VAV2: variants seen among roughly 807,000 people sequenced by gnomAD.
VAV2 encodes the protein vav guanine nucleotide exchange factor 2.
A neutral mutation model predicts 132.5 loss-of-function variants in VAV2; 67 were observed. The observed-to-expected ratio is 0.51, with a 90% confidence interval of 0.42 to 0.62. The LOEUF (loss-of-function observed/expected upper bound fraction) is 0.62, where lower values mean the gene tolerates loss of function less well. Among genes scored for constraint, VAV2 ranks in the 20% least tolerant of loss-of-function variants. VAV2 has a pLI of 0.00. For missense variants in VAV2, 938 were observed against 1,153.6 expected (o/e 0.81, Z 2.71); for synonymous variants, 492 against 443.5 (o/e 1.11, Z -1.37).
At chr9:133,839,299 A>G (rs1312490126) in intron 3 of VAV2, among the ~76,000 whole-genome samples, 1 of 151,490 alleles carries the variant, frequency 6.6e-6, no homozygotes, top group Non-Finnish European at 1.5e-5. Flanking sequence ...GTGGGCTGAC[A>G]GACAGATGGA....
Position 133,949,888 on chromosome 9 carries a change from T to G in VAV2, c.205-10669A>C, listed in dbSNP as rs568550411. 6.6e-5 allele frequency among the ~76,000 whole-genome samples: 10 copies of G among 152,324 alleles called. No individual in the cohort carries two copies. The South Asian group carries it at 2.1e-3, about 32-fold the overall frequency. On this transcript the variant is annotated intron_variant, in intron 1 of 29. Transcript: ENST00000371850. ...CCCGACCCGGGCGTCTCCTGCTGTT[T>G]AGGGGTTTCACGCTCAGCTTTTCTC...
chr9:133,989,422 A>T (rs1842948762), intron 1 of VAV2, among the ~76,000 whole-genome samples: 2 of 150,438 alleles, frequency 1.3e-5, no homozygotes, highest in Admixed American at 1.3e-4. Flanking sequence ...CGGGAGGATG[A>T]GGCAGGAGAA....
chr9:133,831,705 G>T (rs1836272731), intron 4 of VAV2, among the ~76,000 whole-genome samples: 1 of 152,198 alleles, frequency 6.6e-6, no homozygotes, highest in South Asian at 2.1e-4. Context: ...CAGAAACGCT[G>T]AGGCATGTTT....
intron 1 of VAV2, among the ~76,000 whole-genome samples, chr9:133,976,326 T>A (rs1333190243): frequency 1.3e-5 from 2 of 152,058 alleles, no homozygotes; most frequent in Admixed American, 1.3e-4. Context: ...GACAGTGAGA[T>A]CCTGAGTGGA....
At chr9:133,964,891 T>A (rs140882142) in intron 1 of VAV2, among the ~76,000 whole-genome samples, 9 of 152,266 alleles carry the variant, frequency 5.9e-5, no homozygotes, top group Non-Finnish European at 1.0e-4. Context: ...ACCTGAAAGC[T>A]TTTTCTCTAA....
rs1840893385 is a variant in VAV2 at position 133,935,954 on chromosome 9, C to T, written c.321+3149G>A. Among the ~76,000 whole-genome samples the T allele has an allele frequency of 6.6e-6, 1 of 152,234 alleles. No individual in the cohort carries two copies. Among genetic ancestry groups the T allele is most frequent in the South Asian group, 2.1e-4 (1 of 4,826 alleles). On this transcript the variant is annotated intron_variant, in intron 2 of 29. Transcript: ENST00000371850. This position sits in a 1 kb window ranked among gnomAD's most constrained non-coding sequence, Gnocchi z 5.2. ...CCACATTCACGCGGGCTCCAGGAGG[C>T]AAAGGGCATGGCTCAGATGCGGAGA... is the stretch of plus-strand genomic sequence containing the variant.
intron 25 of VAV2, 91 bp downstream of exon 25, chr9:133,774,844 C>T: frequency 8.4e-7 from 1 of 1,184,134 alleles, no homozygotes; most frequent in Non-Finnish European, 1.2e-6. Flanking sequence ...CCACCCCAAC[C>T]CCACGAGCTC....
rs141632915 is a variant in VAV2 at position 133,932,134 on chromosome 9, G to A, written c.321+6969C>T. 9.2e-3 allele frequency among the ~76,000 whole-genome samples: 1,400 copies of A among 152,292 alleles called. 15 individuals are homozygous for A. The highest frequency in any genetic ancestry group is 0.031 in the African/African-American group (1,298 of 41,546). The stretch of plus-strand genomic sequence containing the variant: ...ACCAGAATCCTCCCTCCAAATGCCC[G>A]ACCGGATTCCAAGCTGGGGCAAACC... On this transcript the variant is annotated intron_variant, in intron 2 of 29. Transcript: ENST00000371850.
intron 1 of VAV2, among the ~76,000 whole-genome samples, chr9:133,982,682 GAGGCCCCACTGCCTGGTTTCAT>G (rs931130083): frequency 3.3e-5 from 5 of 152,064 alleles, no homozygotes; most frequent in African/African-American, 1.2e-4. Flanking sequence ...CCTGGTTTTG[GAGGCCCCACTGCCTGGTTTCAT>G]AGGGCCCGCC....
At chr9:133,848,228 C>T (rs531116522) in intron 3 of VAV2, among the ~76,000 whole-genome samples, 11 of 139,954 alleles carry the variant, frequency 7.9e-5, no homozygotes, top group African/African-American at 1.9e-4. Context: ...TGCAGTGAGC[C>T]GAGATCGCGC....
At chr9:133,962,602 T>C (rs1362453415) in intron 1 of VAV2, among the ~76,000 whole-genome samples, 1 of 151,992 alleles carries the variant, frequency 6.6e-6, no homozygotes, top group East Asian at 1.9e-4. Context: ...CAAGCACAGT[T>C]AGCAGAAGCC....
chr9:133,978,221 A>ATCTCACTGCC (rs1447089048), intron 1 of VAV2, among the ~76,000 whole-genome samples: 1 of 152,148 alleles, frequency 6.6e-6, no homozygotes, highest in Non-Finnish European at 1.5e-5. Flanking sequence ...CACTAGGAGG[A>ATCTCACTGCC]TCTCACTGCC....
At position 133,863,555 on chromosome 9, in the gene VAV2, T is replaced by C. The variant is rs1025329284; in HGVS notation, c.322-2123A>G. On this transcript the variant is annotated intron_variant, in intron 2 of 29. Coordinates refer to ENST00000371850, the MANE Select transcript of VAV2 (RefSeq NM_001134398.2). This position sits in a 1 kb window ranked among gnomAD's most constrained non-coding sequence, Gnocchi z 5.0. ...CTGTGGACAATTTCTACAGCTGCTATGACCACAGCAGCCTCAGCCCCAAGC... is the reference window on the plus strand; with the variant it reads ...CTGTGGACAATTTCTACAGCTGCTACGACCACAGCAGCCTCAGCCCCAAGC... Among the ~76,000 whole-genome samples, 2 of 152,174 alleles carry C rather than the reference T, an allele frequency of 1.3e-5. No individual in the cohort carries two copies. The highest frequency in any genetic ancestry group is 4.8e-5 in the African/African-American group (2 of 41,456).
rs2519782 is a variant in VAV2 at position 133,898,437 on chromosome 9, T to C, written c.322-37005A>G. Among the ~76,000 whole-genome samples the C allele has an allele frequency of 5.3e-5, 8 of 149,938 alleles. No homozygotes were observed. The South Asian group carries it at 1.5e-3, about 28-fold the overall frequency. On this transcript the variant is annotated intron_variant, in intron 2 of 29. Coordinates refer to ENST00000371850, the MANE Select transcript of VAV2 (RefSeq NM_001134398.2). The stretch of plus-strand genomic sequence containing the variant: ...AACCTTGTCTCTACTAAAAAAAAAA[T>C]ACAAAAATCAGCCAGGCGTGGTGGC...
At chr9:133,774,574 A>G (rs1334403996) in intron 25 of VAV2, among the ~76,000 whole-genome samples, 1 of 152,054 alleles carries the variant, frequency 6.6e-6, no homozygotes, top group African/African-American at 2.4e-5. Context: ...CGACAGGTCC[A>G]CTCTCTCAAC....
At chr9:133,778,489 G>A (rs1473087886) in intron 22 of VAV2, among the ~76,000 whole-genome samples, 1 of 152,148 alleles carries the variant, frequency 6.6e-6, no homozygotes, top group Non-Finnish European at 1.5e-5. Context: ...AGGGCAGGAG[G>A]GCCTCTCCTG....
At chr9:133,880,420 G>C (rs1838445636) in intron 2 of VAV2, among the ~76,000 whole-genome samples, 2 of 152,194 alleles carry the variant, frequency 1.3e-5, no homozygotes, top group African/African-American at 4.8e-5. Flanking sequence ...CAGCCATGGG[G>C]AACTCCCAGG....
chr9:133,932,790 C>G (rs1840733843), intron 2 of VAV2, among the ~76,000 whole-genome samples: 1 of 152,212 alleles, frequency 6.6e-6, no homozygotes, highest in Non-Finnish European at 1.5e-5. Flanking sequence ...CACCAGAAGG[C>G]AGGTGCAGTG....
intron 1 of VAV2, among the ~76,000 whole-genome samples, chr9:133,972,771 C>T (rs553599212): frequency 1.4e-4 from 22 of 152,264 alleles, no homozygotes; most frequent in South Asian, 6.2e-4. Context: ...CTCCTGGAGG[C>T]GTCAGGCAGA....
Sources: allele counts gnomAD v4.1 joint callset (sites outside exome capture counted in the v4.1 genomes callset), GRCh38; gene constraint gnomAD v4.1.1; non-coding constraint Gnocchi (gnomAD v3.1); transcripts MANE v1.5; gene names NCBI Gene and HGNC (gene_info 2026-07-23, HGNC 2026-07-21).